RBFOX1: variants seen among roughly 807,000 people sequenced by gnomAD.
RBFOX1 encodes RNA binding protein fox-1 homolog 1.
Under a neutral mutation model 57.7 loss-of-function variants are expected in RBFOX1, and 8 were observed. The observed-to-expected ratio is 0.14, with a 90% CI of 0.08 to 0.25. The LOEUF (loss-of-function observed/expected upper bound fraction) is 0.25. Among genes scored for constraint, RBFOX1 ranks in the 10% least tolerant of loss-of-function variants. RBFOX1 has a pLI of 1.00. For synonymous variants in RBFOX1, 326 were observed against 222.4 expected, an observed-to-expected ratio of 1.47 and a Z score of -4.15; for missense variants, 611 against 548.5, an observed-to-expected ratio of 1.11 and a Z score of -1.14.
intron 4 of RBFOX1, among the ~76,000 whole-genome samples, chr16:7,398,862 G>T (rs111858021): frequency 6.6e-6 from 1 of 152,136 alleles, no homozygotes; most frequent in Non-Finnish European, 1.5e-5. Context: ...GTACTAAAGT[G>T]GGGCTAGAGG....
At chr16:7,256,883 A>G (rs569576099) in intron 4 of RBFOX1, among the ~76,000 whole-genome samples, 1 of 152,094 alleles carries the variant, frequency 6.6e-6, no homozygotes, top group African/African-American at 2.4e-5. Context: ...GGCATCTGAA[A>G]GTCCATCACA....
intron 4 of RBFOX1, among the ~76,000 whole-genome samples, chr16:7,239,891 G>GA (rs59640898): frequency 0.32 from 49,155 of 151,784 alleles, 8,549 homozygotes; most frequent in Middle Eastern, 0.51. Context: ...TGTGCTAAAA[G>GA]GAACATTTCT....
intron 4 of RBFOX1, among the ~76,000 whole-genome samples, chr16:7,445,854 G>A (rs916555160): frequency 6.6e-6 from 1 of 152,158 alleles, no homozygotes; most frequent in African/African-American, 2.4e-5. Flanking sequence ...TCATTGAAGT[G>A]GGTTAATAAA....
rs137864789 is a variant in RBFOX1 at position 5,641,921 on chromosome 16, A to T, written c.318+42960A>T. 9.7e-3 allele frequency among the ~76,000 whole-genome samples: 1,480 copies of T among 152,264 alleles called. 9 individuals are homozygous for T. The highest frequency in any genetic ancestry group is 0.044 in the Middle Eastern group (13 of 294). ...AGGAGAAGGCTATGATGCATATGTC[A>T]CTTGGGGATTTCACTAAAATGCAGA... On this transcript the variant is annotated intron_variant, in intron 3 of 19. Coordinates refer to the RBFOX1 transcript ENST00000641259.
At chr16:5,360,227 G>T (rs988605253) in intron 1 of RBFOX1, among the ~76,000 whole-genome samples, 2 of 152,224 alleles carry the variant, frequency 1.3e-5, no homozygotes, top group Non-Finnish European at 2.9e-5. Flanking sequence ...GGCTAGCTCT[G>T]TGTGCTGCTG....
At chr16:7,512,551 G>C (rs1357465510) in intron 4 of RBFOX1, among the ~76,000 whole-genome samples, 1 of 152,186 alleles carries the variant, frequency 6.6e-6, no homozygotes, top group Non-Finnish European at 1.5e-5. Context: ...ACATCTGTTT[G>C]AGAACTCCAG....
chr16:5,506,506 A>G (rs751910515), intron 2 of RBFOX1, among the ~76,000 whole-genome samples: 14 of 152,168 alleles, frequency 9.2e-5, no homozygotes, highest in Non-Finnish European at 2.1e-4. Flanking sequence ...ATGAATATAA[A>G]TAAGTACACA....
chr16:7,628,862 C>T (rs1163563772), intron 10 of RBFOX1, among the ~76,000 whole-genome samples: 1 of 152,092 alleles, frequency 6.6e-6, no homozygotes, highest in Non-Finnish European at 1.5e-5. Flanking sequence ...ATCTACCTGC[C>T]TTGGCCTCCC....
At chr16:5,884,642 C>T (rs559953140) in intron 4 of RBFOX1, among the ~76,000 whole-genome samples, 1 of 152,098 alleles carries the variant, frequency 6.6e-6, no homozygotes, top group East Asian at 1.9e-4. Flanking sequence ...CCCATGTTCT[C>T]TCATTCCATG....
chr16:7,314,807 G>C (rs1205198736), intron 4 of RBFOX1, among the ~76,000 whole-genome samples: 1 of 152,186 alleles, frequency 6.6e-6, no homozygotes, highest in Non-Finnish European at 1.5e-5. Flanking sequence ...GGAGCTTGAT[G>C]TGATCTTTAA....
At chr16:6,604,113 C>G (rs1644451114) in intron 2 of RBFOX1, among the ~76,000 whole-genome samples, 1 of 152,002 alleles carries the variant, frequency 6.6e-6, no homozygotes, top group African/African-American at 2.4e-5. Flanking sequence ...ATCTGCTTCT[C>G]TCCACTCCCC....
At chr16:5,818,500 G>C (rs1320430684) in intron 3 of RBFOX1, among the ~76,000 whole-genome samples, 1 of 152,204 alleles carries the variant, frequency 6.6e-6, no homozygotes, top group Admixed American at 6.5e-5. Flanking sequence ...GCCAGATACT[G>C]TGCTAGGCTC....
chr16:6,980,041 C>A lies in RBFOX1; in HGVS notation c.-15-72016C>A, dbSNP rs566287912. 3.9e-4 allele frequency among the ~76,000 whole-genome samples: 56 copies of A among 142,224 alleles called. 1 individual carries two copies. Among genetic ancestry groups the A allele is most frequent in the South Asian group, 3.3e-3 (16 of 4,810 alleles). The allele number at this position is 142,224 out of a possible 152,430, so 93.3% of individuals were successfully genotyped here. A position where few individuals can be genotyped will look rare whatever the true frequency, so the allele number is the denominator to read the frequency against. On this transcript the variant is annotated intron_variant, in intron 3 of 15. Coordinates refer to ENST00000550418, the MANE Select transcript of RBFOX1 (RefSeq NM_018723.4). ...TGTCATTATAGTGTTAACGGTGGGG[C>A]TACAGAACTGGATATATAACCGCAT... is the stretch of plus-strand genomic sequence containing the variant.
chr16:6,889,412 C>G (rs1330209159), intron 3 of RBFOX1, among the ~76,000 whole-genome samples: 1 of 152,168 alleles, frequency 6.6e-6, no homozygotes. Flanking sequence ...ACGGCTCTGT[C>G]AACTTGGATT....
At chr16:7,247,340 C>T (rs1311601287) in intron 4 of RBFOX1, among the ~76,000 whole-genome samples, 3 of 152,084 alleles carry the variant, frequency 2.0e-5, no homozygotes, top group Non-Finnish European at 4.4e-5. Flanking sequence ...GTGGAGGGGA[C>T]ACTCACAGCC....
intron 1 of RBFOX1, among the ~76,000 whole-genome samples, chr16:5,421,836 T>C (rs1325369782): frequency 6.6e-6 from 1 of 152,092 alleles, no homozygotes; most frequent in Non-Finnish European, 1.5e-5. Flanking sequence ...CGTTGTTGGG[T>C]GAGCAAATCC....
intron 3 of RBFOX1, among the ~76,000 whole-genome samples, chr16:5,663,494 C>G (rs1486713318): frequency 6.6e-6 from 1 of 152,098 alleles, no homozygotes; most frequent in Non-Finnish European, 1.5e-5. Flanking sequence ...CATGAGCTAC[C>G]ACACCTGGCT....
intron 3 of RBFOX1, among the ~76,000 whole-genome samples, chr16:6,973,372 G>A (rs2086024643): frequency 6.6e-6 from 1 of 152,284 alleles, no homozygotes; most frequent in South Asian, 2.1e-4. Flanking sequence ...GCATTTCAGA[G>A]ATAATTCAAC....
At chr16:7,364,492 C>G (rs1042410985) in intron 4 of RBFOX1, among the ~76,000 whole-genome samples, 1 of 149,524 alleles carries the variant, frequency 6.7e-6, no homozygotes, top group Non-Finnish European at 1.5e-5. Context: ...GTTTCAAGTA[C>G]TAGAAATCTA....
Sources: allele counts gnomAD v4.1 joint callset (sites outside exome capture counted in the v4.1 genomes callset), GRCh38; gene constraint gnomAD v4.1.1; transcripts MANE v1.5; gene names NCBI Gene and HGNC (gene_info 2026-07-23, HGNC 2026-07-21).